The following ZNF385D variants were observed in gnomAD, a reference collection of about 807,000 sequenced individuals.
The protein encoded by ZNF385D is zinc finger protein 385D, also known as zinc finger protein 659.
ZNF385D carries 15 observed loss-of-function variants against 35.8 expected under a neutral mutation model. The ratio of observed to expected loss-of-function variants is 0.42; its 90% CI spans 0.28 to 0.64. ZNF385D has a LOEUF of 0.64. Ranked by LOEUF, ZNF385D falls within the 30% of genes least tolerant of loss-of-function variation. The pLI is 0.23. For missense variants in ZNF385D, 474 were observed against 494.6 expected (o/e 0.96, Z 0.39); for synonymous variants, 212 against 186.8 (o/e 1.13, Z -1.10).
chr3:22,175,323 AG>A (rs1237360058), intron 2 of ZNF385D, among the ~76,000 whole-genome samples: 4 of 152,082 alleles, frequency 2.6e-5, no homozygotes, highest in African/African-American at 9.6e-5. Context: ...GCATATATAA[AG>A]TAAAAAGAGA....
intron 2 of ZNF385D, among the ~76,000 whole-genome samples, chr3:22,308,922 T>C (rs1466009400): frequency 3.3e-5 from 5 of 152,106 alleles, no homozygotes; most frequent in Non-Finnish European, 5.9e-5. Flanking sequence ...TTGAAAAATT[T>C]GCTTTATAAT....
intron 2 of ZNF385D, among the ~76,000 whole-genome samples, chr3:22,196,395 A>G (rs888357965): frequency 2.3e-4 from 35 of 151,994 alleles, no homozygotes; most frequent in Non-Finnish European, 3.8e-4. Context: ...TTGTCACTTG[A>G]TTATATTATT....
At chr3:22,144,079 T>C (rs111602531) in intron 3 of ZNF385D, among the ~76,000 whole-genome samples, 2 of 152,282 alleles carry the variant, frequency 1.3e-5, no homozygotes, top group South Asian at 2.1e-4. Context: ...GTATAATGTT[T>C]TATAAAAGAA....
chr3:22,013,508 C>T (rs944180621), intron 3 of ZNF385D, among the ~76,000 whole-genome samples: 4 of 151,962 alleles, frequency 2.6e-5, no homozygotes, highest in Non-Finnish European at 4.4e-5. Flanking sequence ...TTTGATATTT[C>T]GGTTGGTGTC....
rs546284095 is a variant in ZNF385D at position 21,714,183 on chromosome 3, C to G, written c.22+36712G>C. On this transcript the variant is annotated intron_variant, in intron 1 of 7. Transcript: ENST00000281523. ...CCATAATAACTGCTCTCAATTAAAACCCATGGTCATTAACAGTAAGTGGGC... is the reference window on the plus strand; with the variant it reads ...CCATAATAACTGCTCTCAATTAAAAGCCATGGTCATTAACAGTAAGTGGGC... Among the ~76,000 whole-genome samples the G allele has an allele frequency of 8.3e-5, 12 of 143,736 alleles. No homozygotes were observed. The South Asian group carries it at 2.9e-3, about 34-fold the overall frequency. The allele number at this position is 143,736 out of a possible 152,430, so 94.3% of individuals were successfully genotyped here.
At chr3:21,583,381 T>C (rs1172562688) in intron 2 of ZNF385D, among the ~76,000 whole-genome samples, 5 of 152,194 alleles carry the variant, frequency 3.3e-5, no homozygotes, top group Non-Finnish European at 5.9e-5. Flanking sequence ...GAATATACTA[T>C]CATCTTAAAA....
chr3:21,833,694 C>T (rs28591160), intron 3 of ZNF385D, among the ~76,000 whole-genome samples: 37,575 of 152,040 alleles, frequency 0.25, 5,034 homozygotes, highest in Admixed American at 0.3. Flanking sequence ...GAAAATCAGG[C>T]TTAAGAGCAG....
chr3:21,794,242 GA>G (rs1448768457), intron 3 of ZNF385D, among the ~76,000 whole-genome samples: 1 of 152,004 alleles, frequency 6.6e-6, no homozygotes. Context: ...AGAATTAAAA[GA>G]GAAGAAAAGA....
chr3:21,971,780 G>C (rs751573204), intron 3 of ZNF385D, among the ~76,000 whole-genome samples: 3 of 151,464 alleles, frequency 2.0e-5, no homozygotes, highest in East Asian at 3.9e-4. Flanking sequence ...AAGATATTTC[G>C]TGCCACTGAA....
intron 3 of ZNF385D, among the ~76,000 whole-genome samples, chr3:21,986,712 C>G (rs1352374046): frequency 3.8e-5 from 5 of 131,628 alleles, no homozygotes; most frequent in Admixed American, 3.6e-4. Flanking sequence ...AGTTCAATTC[C>G]CGGGTATCCT....
At chr3:22,259,943 C>G (rs1700534427) in intron 2 of ZNF385D, among the ~76,000 whole-genome samples, 1 of 151,790 alleles carries the variant, frequency 6.6e-6, no homozygotes, top group African/African-American at 2.4e-5. Context: ...TCAATAACCT[C>G]AAAATGTACA....
chr3:21,990,400 C>A (rs769958803), intron 3 of ZNF385D, among the ~76,000 whole-genome samples: 2 of 152,212 alleles, frequency 1.3e-5, no homozygotes, highest in Non-Finnish European at 1.5e-5. Flanking sequence ...AGGCTATGAA[C>A]TTACCTAACT....
chr3:22,232,963 T>C (rs1264162133), intron 2 of ZNF385D, among the ~76,000 whole-genome samples: 1 of 152,212 alleles, frequency 6.6e-6, no homozygotes, highest in African/African-American at 2.4e-5. Flanking sequence ...TTTAAAACTT[T>C]GTTTTTATCA....
chr3:21,654,839 A>G (rs940219295), intron 2 of ZNF385D, among the ~76,000 whole-genome samples: 1 of 152,042 alleles, frequency 6.6e-6, no homozygotes, highest in African/African-American at 2.4e-5. Context: ...TGTGTACCAC[A>G]CTTTGAGAAG....
intron 2 of ZNF385D, among the ~76,000 whole-genome samples, chr3:21,621,631 G>A (rs2065009640): frequency 7.0e-6 from 1 of 142,012 alleles, no homozygotes; most frequent in South Asian, 2.3e-4. Flanking sequence ...CACCACTAAG[G>A]ACGACCTTTC....
chr3:21,627,273 G>GTGTGTGTA (rs1358992952), intron 2 of ZNF385D, among the ~76,000 whole-genome samples: 1 of 149,858 alleles, frequency 6.7e-6, no homozygotes, highest in South Asian at 2.1e-4. Context: ...GTGTGTGTGT[G>GTGTGTGTA]TGTGTGTGTG....
chr3:21,675,156 C>T (rs894999164), intron 1 of ZNF385D, among the ~76,000 whole-genome samples: 2 of 152,132 alleles, frequency 1.3e-5, no homozygotes, highest in South Asian at 2.1e-4. Context: ...AACATTTTAT[C>T]AAAGATTTTT....
chr3:21,992,764 T>C (rs1176839459), intron 3 of ZNF385D, among the ~76,000 whole-genome samples: 3 of 152,204 alleles, frequency 2.0e-5, no homozygotes, highest in Admixed American at 6.5e-5. Context: ...TGTTTCATAA[T>C]TGATTTACTC....
At chr3:21,694,092 G>T (rs1478912015) in intron 1 of ZNF385D, among the ~76,000 whole-genome samples, 1 of 124,110 alleles carries the variant, frequency 8.1e-6, no homozygotes, top group Admixed American at 9.6e-5. Context: ...CGCCCAGGCC[G>T]GAGTACAGTG....
Sources: gnomAD v4.1 joint callset for allele counts (sites outside exome capture counted in the v4.1 genomes callset) on GRCh38, gnomAD v4.1.1 for gene constraint, MANE v1.5 for transcripts, NCBI Gene and HGNC (gene_info 2026-07-23, HGNC 2026-07-21) for gene names.